ZMAT4: variants seen among roughly 807,000 people sequenced by gnomAD.
ZMAT4 encodes the protein zinc finger matrin-type 4, also known as zinc finger matrin-type protein 4.
A neutral mutation model predicts 28.7 loss-of-function variants in ZMAT4; 17 were observed. That is an observed-to-expected ratio of 0.59 (90% confidence interval 0.41 to 0.89). The LOEUF is 0.89. Ranked by LOEUF, ZMAT4 falls within the 40% of genes least tolerant of loss-of-function variation. ZMAT4 has a pLI of 0.00. For missense variants in ZMAT4, 240 were observed against 283.8 expected, an observed-to-expected ratio of 0.85 and a Z score of 1.11; for synonymous variants, 117 against 109.2, an observed-to-expected ratio of 1.07 and a Z score of -0.44.
At chr8:40,850,976 A>G (rs1056434091) in intron 1 of ZMAT4, among the ~76,000 whole-genome samples, 2 of 152,218 alleles carry the variant, frequency 1.3e-5, no homozygotes, top group African/African-American at 4.8e-5. Context: ...TTATTAACTC[A>G]TTTTAAAATA....
chr8:40,743,829 C>T (rs1585979195), intron 3 of ZMAT4, among the ~76,000 whole-genome samples: 2 of 151,986 alleles, frequency 1.3e-5, no homozygotes, highest in South Asian at 2.1e-4. Flanking sequence ...GACAGGGGCA[C>T]GGAGAAGGAG....
chr8:40,602,064 C>T (rs1296747064), intron 5 of ZMAT4, among the ~76,000 whole-genome samples: 1 of 152,112 alleles, frequency 6.6e-6, no homozygotes, highest in South Asian at 2.1e-4. Flanking sequence ...CATTCTTATG[C>T]CTTTGTGTCC....
chr8:40,865,881 TTA>T (rs1171585594), intron 1 of ZMAT4, among the ~76,000 whole-genome samples: 1 of 152,168 alleles, frequency 6.6e-6, no homozygotes, highest in African/African-American at 2.4e-5. Flanking sequence ...TTTTTAGATT[TTA>T]GAAGGCCAAA....
intron 3 of ZMAT4, among the ~76,000 whole-genome samples, chr8:40,724,901 G>A (rs955825494): frequency 1.3e-4 from 20 of 152,168 alleles, no homozygotes; most frequent in Admixed American, 3.9e-4. Context: ...TAGCTGGGAT[G>A]ATACCTTTAG....
chr8:40,895,914 A>C (rs1382435180), intron 1 of ZMAT4, among the ~76,000 whole-genome samples: 1 of 152,202 alleles, frequency 6.6e-6, no homozygotes, highest in Non-Finnish European at 1.5e-5. Flanking sequence ...GACGACGTCC[A>C]TGACTAACCA....
intron 1 of ZMAT4, among the ~76,000 whole-genome samples, chr8:40,836,345 A>G (rs1460193088): frequency 2.0e-5 from 3 of 152,220 alleles, no homozygotes; most frequent in Non-Finnish European, 4.4e-5. Context: ...TCACAGGAGG[A>G]TAAGCTGAAA....
At position 40,767,714 on chromosome 8, in the gene ZMAT4, C is replaced by T. The variant is rs1444733979; in HGVS notation, c.119G>A (p.Ser40Asn). The change falls in exon 3 of 7, where the codon AGC becomes AAC. Residue 40 changes from serine to asparagine, a missense_variant. Ser to Asn is a conservative substitution (Grantham distance 46, BLOSUM62 1). Transcript: ENST00000297737. Reference sequence around the variant, plus strand: ...AAGCATGTAATACAGTCGGACTTTGCTTGCATGTTTTCGACTCTGGGAAGG... The same window carrying T: ...AAGCATGTAATACAGTCGGACTTTGTTTGCATGTTTTCGACTCTGGGAAGG... ...VAHYESRKHA[S>N]KVRLYYMLHP... 6.2e-7 allele frequency: 1 copy of T among 1,612,358 alleles called. No homozygotes were observed. Among genetic ancestry groups the T allele is most frequent in the Non-Finnish European group, 8.5e-7 (1 of 1,179,502 alleles).
At chr8:40,642,307 T>C (rs923919133) in intron 5 of ZMAT4, among the ~76,000 whole-genome samples, 17 of 152,166 alleles carry the variant, frequency 1.1e-4, no homozygotes, top group African/African-American at 3.6e-4. Context: ...CGGGTGAACA[T>C]TCAATAATAT....
intron 1 of ZMAT4, among the ~76,000 whole-genome samples, chr8:40,863,674 A>C (rs187502251): frequency 1.8e-4 from 28 of 152,342 alleles, no homozygotes; most frequent in African/African-American, 6.0e-4. Context: ...AGATCTAGAC[A>C]AGGGGTAGAG....
chr8:40,827,474 C>T (rs1164724217), intron 1 of ZMAT4, among the ~76,000 whole-genome samples: 1 of 152,126 alleles, frequency 6.6e-6, no homozygotes, highest in Non-Finnish European at 1.5e-5. Context: ...TCTAAATAAC[C>T]AGACCACATT....
At chr8:40,897,409 C>T (rs1818914517) in intron 1 of ZMAT4, among the ~76,000 whole-genome samples, 1 of 152,180 alleles carries the variant, frequency 6.6e-6, no homozygotes, top group African/African-American at 2.4e-5. Flanking sequence ...ATCTCCACCC[C>T]AGCCCTGCAG....
intron 3 of ZMAT4, among the ~76,000 whole-genome samples, chr8:40,734,593 ACT>A (rs1300670381): frequency 6.6e-6 from 1 of 151,836 alleles, no homozygotes; most frequent in Non-Finnish European, 1.5e-5. Flanking sequence ...ATTCTGGAAG[ACT>A]CTGGTAATCA....
chr8:40,567,236 G>T (rs1223293844), intron 6 of ZMAT4, among the ~76,000 whole-genome samples: 1 of 152,172 alleles, frequency 6.6e-6, no homozygotes, highest in South Asian at 2.1e-4. Context: ...TGACTACTCG[G>T]CATGAAATGG....
chr8:40,568,292 C>T (rs1191035419), intron 6 of ZMAT4, among the ~76,000 whole-genome samples: 2 of 152,008 alleles, frequency 1.3e-5, no homozygotes, highest in South Asian at 2.1e-4. Flanking sequence ...ACATTTCTTC[C>T]GAGAGTGCAG....
intron 1 of ZMAT4, among the ~76,000 whole-genome samples, chr8:40,880,662 A>G (rs573251709): frequency 3.9e-4 from 59 of 152,268 alleles, no homozygotes; most frequent in African/African-American, 7.7e-4. Flanking sequence ...AACGAGGTAC[A>G]ACCAAGTAAC....
chr8:40,681,932 T>G (rs888637660), intron 4 of ZMAT4, among the ~76,000 whole-genome samples: 3 of 152,050 alleles, frequency 2.0e-5, no homozygotes, highest in African/African-American at 7.2e-5. Context: ...GGGGACATGT[T>G]CAGAACAGGA....
chr8:40,625,437 C>T (rs896210954), intron 5 of ZMAT4, among the ~76,000 whole-genome samples: 1 of 152,132 alleles, frequency 6.6e-6, no homozygotes, highest in African/African-American at 2.4e-5. Context: ...GCTGTGGCCA[C>T]AGTCAGGGAG....
chr8:40,603,419 G>A (rs1345835000), intron 5 of ZMAT4, among the ~76,000 whole-genome samples: 2 of 152,002 alleles, frequency 1.3e-5, no homozygotes, highest in South Asian at 2.1e-4. Flanking sequence ...TCTTTTTTTG[G>A]TTCTGTATGA....
chr8:40,548,237 G>A (rs1803262451), intron 6 of ZMAT4, among the ~76,000 whole-genome samples: 1 of 152,028 alleles, frequency 6.6e-6, no homozygotes, highest in Non-Finnish European at 1.5e-5. Context: ...TGTTTATTTT[G>A]AACCACAGAG....
Sources: gnomAD v4.1 joint callset for allele counts (sites outside exome capture counted in the v4.1 genomes callset) on GRCh38, gnomAD v4.1.1 for gene constraint, MANE v1.5 for transcripts, NCBI Gene and HGNC (gene_info 2026-07-23, HGNC 2026-07-21) for gene names.